RSRP1: variants seen among roughly 807,000 people sequenced by gnomAD.
RSRP1 encodes the protein arginine and serine rich protein 1, also known as arginine/serine-rich protein 1.
RSRP1 carries 37 observed loss-of-function variants against 33.0 expected under a neutral mutation model. That is an observed-to-expected ratio of 1.12 (90% CI 0.86 to 1.48). The LOEUF (loss-of-function observed/expected upper bound fraction) is 1.48. Among genes scored for constraint, RSRP1 ranks in the 40% most tolerant of loss-of-function variants. RSRP1 has a pLI of 0.00. For missense variants in RSRP1, 402 were observed against 385.3 expected (o/e 1.04, Z -0.36); for synonymous variants, 167 against 158.7 (o/e 1.05, Z -0.40).
At chr1:25,318,491 AG>A (rs1450979990) in intron 1 of RSRP1, among the ~76,000 whole-genome samples, 1 of 130,986 alleles carries the variant, frequency 7.6e-6, no homozygotes, top group Non-Finnish European at 1.8e-5. Context: ...GGGAGGCTGA[AG>A]TAGGGGAATG....
chr1:25,280,765 C>T (rs1349284100), intron 1 of RSRP1, among the ~76,000 whole-genome samples: 1 of 131,104 alleles, frequency 7.6e-6, no homozygotes, highest in African/African-American at 2.6e-5. Flanking sequence ...GCACTCGCCA[C>T]CACGCCCAAG....
Position 25,301,159 on chromosome 1 carries a change from G to A in RSRP1, c.-67+36819C>T. ...AGCAGAATGGCTCAGAAAAGGCTCT[G>A]GCTGAAAAAATCTCCCTCCTTTACC... On this transcript the variant is annotated intron_variant, in intron 1 of 1. Transcript: ENST00000561867. The A allele has an allele frequency of 1.1e-5, 15 of 1,311,834 alleles. 4 individuals are homozygous for A. Among genetic ancestry groups the A allele is most frequent in the Non-Finnish European group, 1.6e-5 (15 of 920,670 alleles). 81.3% of individuals were successfully genotyped at this position (1,311,834 alleles called of 1,614,324 possible). A position where few individuals can be genotyped will look rare whatever the true frequency, so the allele number is the denominator to read the frequency against.
upstream of RSRP1, chr1:25,248,349 CTTTTT>C (rs36069810): frequency 2.0e-4 from 18 of 88,106 alleles, no homozygotes; most frequent in Admixed American, 6.4e-4. Flanking sequence ...GGTTAATTGC[CTTTTT>C]TTTTTTTTTT....
chr1:25,309,396 A>G (rs1571705217), intron 1 of RSRP1, among the ~76,000 whole-genome samples: 1 of 131,622 alleles, frequency 7.6e-6, no homozygotes, highest in East Asian at 2.0e-4. Context: ...ACTCTTTTGA[A>G]TAGCAGAGAA....
At chr1:25,249,161 T>C (rs1486361147), upstream of RSRP1, among the ~76,000 whole-genome samples, 2 of 152,014 alleles carry the variant, frequency 1.3e-5, no homozygotes, top group African/African-American at 4.8e-5. Context: ...AAACAAATAA[T>C]AATAATAACA....
chr1:25,330,168 A>G (rs1644971600), intron 1 of RSRP1: 1 of 132,490 alleles, frequency 7.5e-6, no homozygotes, highest in Non-Finnish European at 1.8e-5. Context: ...CCAAGATTAT[A>G]TTATTGTTTT....
upstream of RSRP1, among the ~76,000 whole-genome samples, chr1:25,251,162 C>T (rs80115796): frequency 5.3e-3 from 802 of 152,172 alleles, 5 homozygotes; most frequent in African/African-American, 0.018. Context: ...ATTCGGCCAA[C>T]ACATGGATGA....
At chr1:25,242,855 G>A (rs1254165708) in intron 4 of RSRP1, 150 bp from the exon 5 acceptor site, 1 of 598,936 alleles carries the variant, frequency 1.7e-6, no homozygotes, top group East Asian at 2.8e-5. Context: ...CCAGCACTTT[G>A]GAAGGCTGAC....
intron 1 of RSRP1, chr1:25,267,746 C>G (rs1640356241): frequency 7.5e-6 from 1 of 132,530 alleles, no homozygotes; most frequent in Non-Finnish European, 1.8e-5. Flanking sequence ...TCACCTCAAT[C>G]AAGACGGGTA....
intron 1 of RSRP1, among the ~76,000 whole-genome samples, chr1:25,276,495 C>T (rs1640980548): frequency 2.2e-5 from 2 of 92,160 alleles, no homozygotes; most frequent in South Asian, 3.2e-4. Flanking sequence ...GAGTTCAAGA[C>T]GAGCCTAGGA....
intron 1 of RSRP1, among the ~76,000 whole-genome samples, chr1:25,258,092 G>A (rs1024150798): frequency 8.5e-5 from 13 of 152,158 alleles, no homozygotes; most frequent in Non-Finnish European, 1.9e-4. Context: ...GGATGTGGGG[G>A]CAGAGTGTTC....
chr1:25,266,532 A>G (rs372647421), intron 1 of RSRP1, among the ~76,000 whole-genome samples: 3 of 128,774 alleles, frequency 2.3e-5, no homozygotes, highest in African/African-American at 8.5e-5. Flanking sequence ...AGATTGTATC[A>G]TGCAGTTTTA....
In RSRP1 at chr1:25,282,579, G is replaced by T. The variant is rs1045183058; in HGVS notation, c.-66-35550C>A. ...AATAGGAAATGATAGAGCTGGGATC[G>T]AACAGAGCCATGTGAACTCAAAACC... On this transcript the variant is annotated intron_variant, in intron 1 of 1. Coordinates refer to the RSRP1 transcript ENST00000561867. Among the ~76,000 whole-genome samples the T allele has an allele frequency of 6.1e-5, 8 of 132,150 alleles. 1 individual carries two copies. The highest frequency in any genetic ancestry group is 1.5e-4 in the African/African-American group (6 of 38,718). The allele number at this position is 132,150 out of a possible 152,430, so 86.7% of individuals were successfully genotyped here.
chr1:25,273,178 C>T (rs1261021846), intron 1 of RSRP1, among the ~76,000 whole-genome samples: 1 of 130,080 alleles, frequency 7.7e-6, no homozygotes, highest in Admixed American at 7.6e-5. Context: ...CTCTGTTGCC[C>T]AGGCTGAAGT....
intron 1 of RSRP1, among the ~76,000 whole-genome samples, chr1:25,298,528 C>T (rs1643122215): frequency 7.7e-6 from 1 of 130,288 alleles, no homozygotes; most frequent in South Asian, 2.4e-4. Flanking sequence ...AATGAATATT[C>T]CAGGCCAAGA....
intron 1 of RSRP1, among the ~76,000 whole-genome samples, chr1:25,315,755 C>CAA (rs2124089199): frequency 7.7e-6 from 1 of 130,420 alleles, no homozygotes; most frequent in African/African-American, 2.6e-5. Flanking sequence ...CTCGGCCTCC[C>CAA]AAAGTGTGGG....
intron 1 of RSRP1, among the ~76,000 whole-genome samples, chr1:25,310,839 G>A (rs1362434991): frequency 7.6e-6 from 1 of 131,714 alleles, no homozygotes; most frequent in East Asian, 2.0e-4. Context: ...TGGGCGTGGT[G>A]GCGCACACCT....
At chr1:25,285,447 C>G (rs1248384075) in intron 1 of RSRP1, among the ~76,000 whole-genome samples, 2 of 135,068 alleles carry the variant, frequency 1.5e-5, no homozygotes, top group East Asian at 3.9e-4. Context: ...GAGACATTCT[C>G]TTGAAAAGAA....
intron 1 of RSRP1, among the ~76,000 whole-genome samples, chr1:25,283,040 C>T (rs527404583): frequency 5.3e-5 from 7 of 132,844 alleles, no homozygotes; most frequent in Admixed American, 1.5e-4. Flanking sequence ...TATTCATGTG[C>T]GAAAACAGTT....
Sources: gnomAD v4.1 joint callset for allele counts (sites outside exome capture counted in the v4.1 genomes callset) on GRCh38, gnomAD v4.1.1 for gene constraint, MANE v1.5 for transcripts, NCBI Gene and HGNC (gene_info 2026-07-23, HGNC 2026-07-21) for gene names.